ETFA: variants seen among roughly 807,000 people sequenced by gnomAD.
The protein encoded by ETFA is electron transfer flavoprotein subunit alpha, mitochondrial.
ETFA carries 22 observed loss-of-function variants against 46.2 expected under a neutral mutation model. The observed-to-expected ratio is 0.48, with a 90% CI of 0.34 to 0.68. ETFA has a LOEUF of 0.68. Ranked by LOEUF, ETFA falls within the 30% of genes least tolerant of loss-of-function variation. The probability of loss-of-function intolerance (pLI) is 0.01; values close to 1 mark genes in which losing one functional copy is unlikely to be tolerated. For missense variants in ETFA, 345 were observed against 401.1 expected (o/e 0.86, Z 1.19); for synonymous variants, 131 against 139.9 (o/e 0.94, Z 0.45).
At chr15:76,219,035 G>C (rs988000152) in intron 11 of ETFA, among the ~76,000 whole-genome samples, 3 of 152,140 alleles carry the variant, frequency 2.0e-5, no homozygotes, top group Non-Finnish European at 4.4e-5. Context: ...GATCAGTGTG[G>C]ATTAGGAAAA....
chr15:76,222,692 A>T (rs1382825773), intron 11 of ETFA, among the ~76,000 whole-genome samples: 1 of 152,164 alleles, frequency 6.6e-6, no homozygotes, highest in Admixed American at 6.5e-5. Flanking sequence ...TGTGCCCATA[A>T]CCTGTGGATT....
In ETFA at chr15:76,266,776, C is replaced by T. The variant is rs185041333; in HGVS notation, c.816+7636G>A. On this transcript the variant is annotated intron_variant, in intron 9 of 11. Coordinates refer to ENST00000557943, the MANE Select transcript of ETFA (RefSeq NM_000126.4). ...AAAATTCGTTGGGTGTGGTGGCGGG[C>T]GCCTGTAGTCCCAGCTACTCAGGAG... 3.9e-3 allele frequency among the ~76,000 whole-genome samples: 596 copies of T among 152,072 alleles called. 4 individuals are homozygous for T. The highest frequency in any genetic ancestry group is 0.014 in the African/African-American group (563 of 41,476).
chr15:76,233,553 C>T (rs1283335103), intron 9 of ETFA, among the ~76,000 whole-genome samples: 1 of 152,110 alleles, frequency 6.6e-6, no homozygotes, highest in Non-Finnish European at 1.5e-5. Flanking sequence ...TGGTCTCGAA[C>T]TCCTGACCTT....
intron 9 of ETFA, among the ~76,000 whole-genome samples, chr15:76,268,402 G>A (rs544260886): frequency 2.6e-5 from 4 of 152,228 alleles, no homozygotes; most frequent in East Asian, 3.9e-4. Flanking sequence ...ATCTGAATAC[G>A]AAGACGGAAC....
chr15:76,284,804 C>T (rs2039690679), intron 7 of ETFA: 2 of 288,096 alleles, frequency 6.9e-6, no homozygotes, highest in South Asian at 2.7e-5. Context: ...GTGGCACATG[C>T]CTGTAATCCC....
intron 10 of ETFA, among the ~76,000 whole-genome samples, chr15:76,229,490 T>G (rs1375055751): frequency 6.6e-6 from 1 of 152,264 alleles, no homozygotes; most frequent in Non-Finnish European, 1.5e-5. Flanking sequence ...GAATTTTCAC[T>G]GGTATCTTCT....
intron 1 of ETFA, among the ~76,000 whole-genome samples, chr15:76,303,716 C>T (rs2039905887): frequency 6.6e-6 from 1 of 152,206 alleles, no homozygotes; most frequent in South Asian, 2.1e-4. Flanking sequence ...ATTAACTAAT[C>T]ATTAGAGAAA....
chr15:76,232,123 ATGT>A (rs1271464702), intron 9 of ETFA, among the ~76,000 whole-genome samples: 3 of 152,140 alleles, frequency 2.0e-5, no homozygotes, highest in Non-Finnish European at 2.9e-5. Flanking sequence ...TTTTTGGTAA[ATGT>A]TGATGATATT....
At chr15:76,224,967 C>G (rs927578387) in intron 11 of ETFA, among the ~76,000 whole-genome samples, 1 of 152,010 alleles carries the variant, frequency 6.6e-6, no homozygotes, top group Non-Finnish European at 1.5e-5. Context: ...GAGGTGACGG[C>G]AAGAGAGAAG....
At chr15:76,242,543 G>A (rs113755197) in intron 9 of ETFA, among the ~76,000 whole-genome samples, 1 of 152,202 alleles carries the variant, frequency 6.6e-6, no homozygotes, top group Non-Finnish European at 1.5e-5. Flanking sequence ...CCAATCCTAA[G>A]TATATATTCA....
intron 9 of ETFA, among the ~76,000 whole-genome samples, chr15:76,242,082 GC>G: frequency 6.6e-6 from 1 of 152,056 alleles, no homozygotes; most frequent in Non-Finnish European, 1.5e-5. Context: ...GGATCCCCCC[GC>G]CTTGGCCTCC....
chr15:76,257,414 A>G (rs2039355863), intron 9 of ETFA, among the ~76,000 whole-genome samples: 1 of 152,246 alleles, frequency 6.6e-6, no homozygotes, highest in African/African-American at 2.4e-5. Flanking sequence ...GACACATGAA[A>G]AAATGCTCAT....
chr15:76,306,510 C>T (rs1465751769), intron 1 of ETFA, among the ~76,000 whole-genome samples: 4 of 151,806 alleles, frequency 2.6e-5, no homozygotes, highest in African/African-American at 7.3e-5. Flanking sequence ...GTGATCCACC[C>T]ACCTCAGCCT....
intron 11 of ETFA, among the ~76,000 whole-genome samples, chr15:76,221,506 T>C (rs2038956225): frequency 2.0e-5 from 3 of 152,240 alleles, no homozygotes; most frequent in South Asian, 2.1e-4. Context: ...AAAGCTGTTA[T>C]ACTAAAACAA....
intron 10 of ETFA, chr15:76,229,202 A>G (rs1432364613): frequency 6.6e-6 from 1 of 152,264 alleles, no homozygotes; most frequent in East Asian, 1.9e-4. Flanking sequence ...ATCCCATTTT[A>G]GAACTAAAGA....
chr15:76,222,323 T>G (rs2038964233), intron 11 of ETFA, among the ~76,000 whole-genome samples: 1 of 134,964 alleles, frequency 7.4e-6, no homozygotes, highest in South Asian at 2.9e-4. Flanking sequence ...ATACAAATAT[T>G]GTATTTTTTA....
chr15:76,279,025 TA>T (rs2039623009), intron 8 of ETFA, among the ~76,000 whole-genome samples: 1 of 152,208 alleles, frequency 6.6e-6, no homozygotes, highest in African/African-American at 2.4e-5. Flanking sequence ...AGCATGTTAT[TA>T]CCTGTCCCAG....
intron 9 of ETFA, among the ~76,000 whole-genome samples, chr15:76,256,097 A>C (rs1752030286): frequency 6.6e-6 from 1 of 151,810 alleles, no homozygotes; most frequent in Admixed American, 6.6e-5. Flanking sequence ...ATCTCCACTA[A>C]AAATACAAAA....
chr15:76,284,939 A>C (rs1445862697), intron 7 of ETFA: 1 of 403,792 alleles, frequency 2.5e-6, no homozygotes, highest in African/African-American at 2.2e-5. Flanking sequence ...TCAAAAAGAA[A>C]AAAAGAAAAC....
Sources: allele counts gnomAD v4.1 joint callset (sites outside exome capture counted in the v4.1 genomes callset), GRCh38; gene constraint gnomAD v4.1.1; transcripts MANE v1.5; gene names NCBI Gene and HGNC (gene_info 2026-07-23, HGNC 2026-07-21).